The following SUPT3H variants were observed in gnomAD, a reference collection of about 807,000 sequenced individuals.
SUPT3H encodes transcription initiation protein SPT3 homolog.
SUPT3H carries 44 observed loss-of-function variants against 44.3 expected under a neutral mutation model. That is an observed-to-expected ratio of 0.99 (90% CI 0.78 to 1.28). The LOEUF is 1.28. Among genes scored for constraint, SUPT3H ranks in the 50% most tolerant of loss-of-function variants. The probability of loss-of-function intolerance (pLI) is 0.00; values close to 1 mark genes in which losing one functional copy is unlikely to be tolerated. For synonymous variants in SUPT3H, 124 were observed against 125.6 expected (o/e 0.99, Z 0.09); for missense variants, 380 against 387.1 (o/e 0.98, Z 0.15).
chr6:45,097,494 A>G (rs938028027), intron 3 of SUPT3H: 3 of 152,248 alleles, frequency 2.0e-5, no homozygotes, highest in Admixed American at 2.0e-4. Context: ...GGCCAGCACA[A>G]GGCAGCCCTA....
chr6:45,042,557 GT>G (rs770914562), intron 3 of SUPT3H, among the ~76,000 whole-genome samples: 11 of 151,954 alleles, frequency 7.2e-5, no homozygotes, highest in Admixed American at 7.2e-4. Context: ...ATTAGTTGTT[GT>G]TTTTTTTAAT....
At chr6:45,155,527 T>G (rs1208119803) in intron 2 of SUPT3H, among the ~76,000 whole-genome samples, 1 of 152,164 alleles carries the variant, frequency 6.6e-6, no homozygotes, top group African/African-American at 2.4e-5. Flanking sequence ...GTGTAAACCC[T>G]CCTTATCTCC....
intron 6 of SUPT3H, among the ~76,000 whole-genome samples, chr6:44,997,526 T>C (rs1711930037): frequency 6.6e-6 from 1 of 151,884 alleles, no homozygotes; most frequent in Admixed American, 6.6e-5. Context: ...GGTCAGTGTC[T>C]ATCTGACTTA....
intron 2 of SUPT3H, among the ~76,000 whole-genome samples, chr6:45,185,381 G>C (rs1008060131): frequency 6.6e-6 from 1 of 152,062 alleles, no homozygotes; most frequent in African/African-American, 2.4e-5. Context: ...ATGGAAGCTG[G>C]GTCTCCATAC....
chr6:44,849,220 C>CTAATTTTTT (rs746924269), intron 10 of SUPT3H, among the ~76,000 whole-genome samples: 13 of 96,632 alleles, frequency 1.3e-4, no homozygotes, highest in Admixed American at 2.5e-4. Flanking sequence ...CAAATGAATA[C>CTAATTTTTT]TTTTTTTTTT....
intron 2 of SUPT3H, among the ~76,000 whole-genome samples, chr6:45,269,064 G>T (rs554012349): frequency 1.3e-5 from 2 of 152,154 alleles, no homozygotes; most frequent in South Asian, 4.1e-4. Context: ...TAAAGCTTGG[G>T]TATATCATAC....
chr6:45,220,745 T>C (rs1312239800), intron 2 of SUPT3H, among the ~76,000 whole-genome samples: 3 of 152,158 alleles, frequency 2.0e-5, no homozygotes, highest in East Asian at 3.9e-4. Context: ...ACCTAGGCCA[T>C]ACCATTCAGG....
intron 3 of SUPT3H, among the ~76,000 whole-genome samples, chr6:45,026,216 A>C (rs1346047837): frequency 5.9e-5 from 9 of 152,192 alleles, no homozygotes; most frequent in Non-Finnish European, 7.3e-5. Flanking sequence ...CATATTTGCT[A>C]GCCAGAGATA....
At chr6:44,949,341 T>C (rs1773896742) in intron 9 of SUPT3H, among the ~76,000 whole-genome samples, 1 of 151,878 alleles carries the variant, frequency 6.6e-6, no homozygotes, top group Non-Finnish European at 1.5e-5. Context: ...TATACATATG[T>C]AACAAACCTG....
At chr6:45,203,049 G>A (rs896092580) in intron 2 of SUPT3H, among the ~76,000 whole-genome samples, 1 of 152,080 alleles carries the variant, frequency 6.6e-6, no homozygotes, top group Non-Finnish European at 1.5e-5. Flanking sequence ...GAATATTGAT[G>A]AAAGACTCCA....
intron 10 of SUPT3H, among the ~76,000 whole-genome samples, chr6:44,849,220 C>CTAT (rs746924269): frequency 1.0e-5 from 1 of 96,636 alleles, no homozygotes; most frequent in Non-Finnish European, 2.0e-5. Context: ...CAAATGAATA[C>CTAT]TTTTTTTTTT....
intron 6 of SUPT3H, among the ~76,000 whole-genome samples, chr6:44,988,063 A>G (rs1780063810): frequency 1.3e-5 from 2 of 152,138 alleles, no homozygotes; most frequent in Admixed American, 1.3e-4. Flanking sequence ...AGGAATAGAC[A>G]TAATATAGCT....
In SUPT3H at chr6:44,881,377, G is replaced by A. The variant is rs562447698; in HGVS notation, c.912+51276C>T. Among the ~76,000 whole-genome samples, 5 of 151,942 alleles carry A rather than the reference G, an allele frequency of 3.3e-5. No homozygotes were observed. The South Asian group carries it at 8.3e-4, about 25-fold the overall frequency. Reference sequence around the variant, plus strand: ...TATGCACTCAATACTGGAGCACCCAGATTCATAAAGCAAGTTCTTAGAGAT... The same window carrying A: ...TATGCACTCAATACTGGAGCACCCAAATTCATAAAGCAAGTTCTTAGAGAT... On this transcript the variant is annotated intron_variant, in intron 10 of 10. Coordinates refer to ENST00000371459, the MANE Select transcript of SUPT3H (RefSeq NM_003599.4).
intron 2 of SUPT3H, among the ~76,000 whole-genome samples, chr6:45,181,439 C>T (rs1462142633): frequency 6.6e-6 from 1 of 151,982 alleles, no homozygotes; most frequent in Non-Finnish European, 1.5e-5. Context: ...CGGCATTATT[C>T]ACAATAGCAT....
intron 2 of SUPT3H, among the ~76,000 whole-genome samples, chr6:45,246,303 G>T (rs1422842591): frequency 6.6e-6 from 1 of 151,760 alleles, no homozygotes. Flanking sequence ...TTTTTCTTTC[G>T]TTACCTGTGT....
intron 2 of SUPT3H, among the ~76,000 whole-genome samples, chr6:45,281,612 G>A (rs1778098371): frequency 6.6e-6 from 1 of 152,202 alleles, no homozygotes; most frequent in African/African-American, 2.4e-5. Context: ...ACTGGATGGA[G>A]CCCAGCACAG....
chr6:45,009,699 C>T lies in SUPT3H; in HGVS notation c.364+5102G>A, dbSNP rs75699281. Among the ~76,000 whole-genome samples the T allele has an allele frequency of 5.6e-3, 846 of 152,244 alleles. 12 individuals carry two copies. The highest frequency in any genetic ancestry group is 0.019 in the African/African-American group (808 of 41,548). On this transcript the variant is annotated intron_variant, in intron 5 of 10. Transcript: ENST00000371459. ...TACACTTATGCCAGTACTGCTCTAT[C>T]GTAATTACTGTAGCTTTATGGTAAG...
intron 6 of SUPT3H, among the ~76,000 whole-genome samples, chr6:44,983,472 T>C (rs574785288): frequency 9.2e-5 from 14 of 152,258 alleles, no homozygotes; most frequent in African/African-American, 2.9e-4. Context: ...GAGAAAAGCA[T>C]ATCCTATCCC....
intron 2 of SUPT3H, among the ~76,000 whole-genome samples, chr6:45,110,571 A>ATTT (rs1799909247): frequency 6.7e-6 from 1 of 149,744 alleles, no homozygotes; most frequent in Admixed American, 6.6e-5. Context: ...GCTTTTTTTA[A>ATTT]AAAAAAAAAA....
Sources: allele counts gnomAD v4.1 joint callset (sites outside exome capture counted in the v4.1 genomes callset), GRCh38; gene constraint gnomAD v4.1.1; transcripts MANE v1.5; gene names NCBI Gene and HGNC (gene_info 2026-07-23, HGNC 2026-07-21).